ASTN2: variants seen among roughly 807,000 people sequenced by gnomAD.
ASTN2 encodes the protein astrotactin-2.
A neutral mutation model predicts 139.8 loss-of-function variants in ASTN2; 54 were observed. The ratio of observed to expected loss-of-function variants is 0.39; its 90% CI spans 0.31 to 0.48. The LOEUF is 0.48. Ranked by LOEUF, ASTN2 falls within the 20% of genes least tolerant of loss-of-function variation. The pLI is 0.95. For missense variants in ASTN2, 1,565 were observed against 1,725.1 expected (o/e 0.91, Z 1.64); for synonymous variants, 756 against 719.5 (o/e 1.05, Z -0.81).
chr9:116,462,788 ATGTGTGTGTGTGTGTGTGTGTGTG>A (rs55926547), intron 20 of ASTN2, among the ~76,000 whole-genome samples: 20 of 146,190 alleles, frequency 1.4e-4, no homozygotes, highest in Middle Eastern at 3.4e-3. Flanking sequence ...TTGGGTGAGC[ATGTGTGTGTGTGTGTGTGTGTGTG>A]TGTGTGTGTG....
At chr9:117,111,734 GAA>G (rs1277355196) in intron 4 of ASTN2, among the ~76,000 whole-genome samples, 1 of 152,004 alleles carries the variant, frequency 6.6e-6, no homozygotes, top group Non-Finnish European at 1.5e-5. Flanking sequence ...ATGGGAAAAA[GAA>G]AGAGTTGCAC....
At chr9:117,204,606 G>A (rs1436110555) in intron 3 of ASTN2, among the ~76,000 whole-genome samples, 6 of 152,122 alleles carry the variant, frequency 3.9e-5, no homozygotes, top group African/African-American at 1.4e-4. Flanking sequence ...GCTGGAAGAG[G>A]GAGTAGATTA....
chr9:117,349,525 A>G (rs548678348), intron 1 of ASTN2, among the ~76,000 whole-genome samples: 7 of 152,236 alleles, frequency 4.6e-5, no homozygotes, highest in African/African-American at 1.4e-4. Context: ...GAGGAACACA[A>G]AGGTTCAGAA....
intron 1 of ASTN2, among the ~76,000 whole-genome samples, chr9:117,353,577 G>C (rs1188090291): frequency 6.6e-6 from 1 of 152,170 alleles, no homozygotes; most frequent in African/African-American, 2.4e-5. Context: ...GTGCTAAAAA[G>C]ATCAGTCTTT....
At chr9:117,134,905 C>T (rs1249892181) in intron 4 of ASTN2, among the ~76,000 whole-genome samples, 1 of 152,176 alleles carries the variant, frequency 6.6e-6, no homozygotes, top group Admixed American at 6.5e-5. Context: ...GAGCACTATC[C>T]AGTGACGTAA....
At chr9:117,005,720 T>C (rs1307194254) in intron 7 of ASTN2, among the ~76,000 whole-genome samples, 1 of 151,654 alleles carries the variant, frequency 6.6e-6, no homozygotes, top group Admixed American at 6.6e-5. Flanking sequence ...CCATATCCTA[T>C]TCCCCAGTAC....
chr9:117,134,755 A>G (rs1485239567), intron 4 of ASTN2, among the ~76,000 whole-genome samples: 1 of 152,160 alleles, frequency 6.6e-6, no homozygotes, highest in Non-Finnish European at 1.5e-5. Flanking sequence ...ACCTTCATGT[A>G]TCCATTGTGG....
intron 11 of ASTN2, among the ~76,000 whole-genome samples, chr9:116,845,877 A>G (rs1564301604): frequency 6.6e-6 from 1 of 152,230 alleles, no homozygotes; most frequent in African/African-American, 2.4e-5. Context: ...CTGGATATAT[A>G]TCCAAAAGCC....
chr9:117,152,293 G>T (rs906284171), intron 3 of ASTN2, among the ~76,000 whole-genome samples: 4 of 152,114 alleles, frequency 2.6e-5, no homozygotes, highest in Admixed American at 2.6e-4. Flanking sequence ...TAAATACTAA[G>T]TTCTCCATTT....
At chr9:116,460,700 T>C (rs1018003224) in intron 20 of ASTN2, among the ~76,000 whole-genome samples, 25 of 152,122 alleles carry the variant, frequency 1.6e-4, no homozygotes, top group African/African-American at 6.0e-4. Context: ...TTTAGGGTCA[T>C]GGATGTATAA....
chr9:117,217,583 ACT>A (rs936004136), intron 2 of ASTN2, among the ~76,000 whole-genome samples: 2 of 151,920 alleles, frequency 1.3e-5, no homozygotes, highest in Admixed American at 6.6e-5. Flanking sequence ...CTGCTTAGAC[ACT>A]CTGTGACCTT....
chr9:116,941,237 T>C (rs1472407071), intron 10 of ASTN2, among the ~76,000 whole-genome samples: 3 of 152,164 alleles, frequency 2.0e-5, no homozygotes, highest in Admixed American at 6.5e-5. Context: ...TATTTGACTC[T>C]GCTAGTGTGC....
intron 11 of ASTN2, among the ~76,000 whole-genome samples, chr9:116,840,017 C>T (rs997505677): frequency 3.4e-5 from 5 of 147,826 alleles, no homozygotes; most frequent in African/African-American, 1.3e-4. Flanking sequence ...GGCAGAGGAC[C>T]CTGCAGCCTT....
intron 3 of ASTN2, among the ~76,000 whole-genome samples, chr9:117,205,983 C>G (rs1831907376): frequency 6.6e-6 from 1 of 152,190 alleles, no homozygotes; most frequent in Admixed American, 6.5e-5. Flanking sequence ...GGAAATGGGT[C>G]TTTGCAACAA....
At chr9:117,330,772 T>C (rs915201859) in intron 1 of ASTN2, among the ~76,000 whole-genome samples, 1 of 152,172 alleles carries the variant, frequency 6.6e-6, no homozygotes, top group Non-Finnish European at 1.5e-5. Context: ...TGTAGCTAGT[T>C]GTAACCATGA....
rs1158797608 is a variant in ASTN2 at position 117,094,143 on chromosome 9, GGAGGGAGGGAGA to G, written c.1276+1889_1276+1900del. ...GGGAGGGAGGGAGGGACTAAGGGAG[GGAGGGAGGGAGA>G]AAGGGAGGAAGGGAGGAAGGGAGGG... On this transcript the variant is annotated intron_variant, in intron 5 of 22. Coordinates refer to ENST00000313400, the MANE Select transcript of ASTN2 (RefSeq NM_001365068.1). 3.6e-3 allele frequency among the ~76,000 whole-genome samples: 489 copies of G among 136,306 alleles called. 2 individuals are homozygous for G. The highest frequency in any genetic ancestry group is 0.012 in the African/African-American group (439 of 36,388). The allele number at this position is 136,306 out of a possible 152,430, so 89.4% of individuals were successfully genotyped here.
chr9:117,243,297 C>G (rs1833270237), intron 2 of ASTN2, among the ~76,000 whole-genome samples: 1 of 152,140 alleles, frequency 6.6e-6, no homozygotes, highest in Admixed American at 6.5e-5. Context: ...ATTTAATTCT[C>G]ATAACTGAGA....
intron 13 of ASTN2, among the ~76,000 whole-genome samples, chr9:116,749,225 C>T (rs1437286400): frequency 2.0e-5 from 3 of 152,188 alleles, no homozygotes; most frequent in Admixed American, 2.0e-4. Context: ...GCAGCTATTG[C>T]TGCTGTAAAA....
At position 116,914,048 on chromosome 9, in the gene ASTN2, G is replaced by A. The variant is rs1043215027; in HGVS notation, c.1890-50315C>T. 6.0e-5 allele frequency among the ~76,000 whole-genome samples: 9 copies of A among 149,138 alleles called. No individual in the cohort carries two copies. In the East Asian group the frequency reaches 1.8e-3, roughly 29 times the overall value. Reference sequence around the variant, plus strand: ...GATAGAGAGAACAGCATATGCAGAGGTGTGGAGCCTGGAAATAGGAAATGT... The same window carrying A: ...GATAGAGAGAACAGCATATGCAGAGATGTGGAGCCTGGAAATAGGAAATGT... On this transcript the variant is annotated intron_variant, in intron 10 of 22. Transcript: ENST00000313400.
Sources: gnomAD v4.1 joint callset for allele counts (sites outside exome capture counted in the v4.1 genomes callset) on GRCh38, gnomAD v4.1.1 for gene constraint, MANE v1.5 for transcripts, NCBI Gene and HGNC (gene_info 2026-07-23, HGNC 2026-07-21) for gene names.